TNFRSF9: variants seen among roughly 807,000 people sequenced by gnomAD.
TNFRSF9 encodes TNF receptor superfamily member 9, also known as tumor necrosis factor receptor superfamily member 9.
In TNFRSF9, 16 loss-of-function variants were observed where a neutral mutation model predicts 28.8. That is an observed-to-expected ratio of 0.55 (90% CI 0.38 to 0.84). The LOEUF is 0.84. Ranked by LOEUF, TNFRSF9 falls within the 40% of genes least tolerant of loss-of-function variation. The pLI is 0.00. For synonymous variants in TNFRSF9, 131 were observed against 117.0 expected, an observed-to-expected ratio of 1.12 and a Z score of -0.77; for missense variants, 303 against 315.0, an observed-to-expected ratio of 0.96 and a Z score of 0.29.
At chr1:7,935,620 G>A (rs956991333) in intron 5 of TNFRSF9, among the ~76,000 whole-genome samples, 1 of 152,122 alleles carries the variant, frequency 6.6e-6, no homozygotes, top group African/African-American at 2.4e-5. Flanking sequence ...GAGACCAGGC[G>A]TTGGAGACCA....
At chr1:7,934,228 T>A (rs1639782324) in intron 6 of TNFRSF9, among the ~76,000 whole-genome samples, 1 of 151,512 alleles carries the variant, frequency 6.6e-6, no homozygotes. Context: ...AAATAAAAAA[T>A]TAGCCAGGTG....
At chr1:7,923,538 G>T (rs1302184669) in intron 7 of TNFRSF9, among the ~76,000 whole-genome samples, 1 of 152,126 alleles carries the variant, frequency 6.6e-6, no homozygotes, top group Non-Finnish European at 1.5e-5. Context: ...GAAAATACAA[G>T]ATCTAAATTA....
At chr1:7,931,742 A>C (rs1398277064) in intron 7 of TNFRSF9, among the ~76,000 whole-genome samples, 1 of 152,254 alleles carries the variant, frequency 6.6e-6, no homozygotes, top group Non-Finnish European at 1.5e-5. Flanking sequence ...TGTTTACAAC[A>C]ATTTGTTAAA....
At position 7,939,862 on chromosome 1, in the gene TNFRSF9, C is replaced by A. The variant is rs566409327; in HGVS notation, c.100+33G>T. On this transcript the variant is annotated intron_variant, in intron 2 of 7. Coordinates refer to ENST00000377507, the MANE Select transcript of TNFRSF9 (RefSeq NM_001561.6). The stretch of plus-strand genomic sequence containing the variant: ...TAACTGAACCATACTTCCAACAGAG[C>A]AGATCAAATGCACATGATAACTGGG... 2.6e-4 allele frequency: 387 copies of A among 1,512,004 alleles called. 5 individuals carry two copies. In the South Asian group the frequency reaches 4.4e-3, roughly 17 times the overall value. 93.7% of individuals were successfully genotyped at this position (1,512,004 alleles called of 1,614,324 possible). A position where few individuals can be genotyped will look rare whatever the true frequency, so the allele number is the denominator to read the frequency against.
Position 7,920,648 on chromosome 1 carries a change from C to CA in TNFRSF9, c.*186dup, listed in dbSNP as rs76203739. The CA allele has an allele frequency of 0.19, 76,804 of 405,372 alleles. 359 individuals carry two copies. The highest frequency in any genetic ancestry group is 0.21 in the South Asian group (8,094 of 39,268). 25.1% of individuals were successfully genotyped at this position (405,372 alleles called of 1,614,324 possible). A position where few individuals can be genotyped will look rare whatever the true frequency, so the allele number is the denominator to read the frequency against. ...CCTGGGTGACAGAGTGAGACCCTGTCAAAAAAAAAAAAAAAGTGGTGCATT... is the reference window on the plus strand; with the variant it reads ...CCTGGGTGACAGAGTGAGACCCTGTCAAAAAAAAAAAAAAAAGTGGTGCATT... On this transcript the variant is annotated 3_prime_UTR_variant, in exon 8 of 8. Coordinates refer to ENST00000377507, the MANE Select transcript of TNFRSF9 (RefSeq NM_001561.6).
chr1:7,936,768 C>T (rs576371233), intron 5 of TNFRSF9, among the ~76,000 whole-genome samples: 11 of 152,108 alleles, frequency 7.2e-5, no homozygotes, highest in South Asian at 2.1e-4. Context: ...TAAAATACAA[C>T]GCCCAAATTT....
intron 5 of TNFRSF9, among the ~76,000 whole-genome samples, chr1:7,936,851 C>G (rs1223518352): frequency 6.6e-6 from 1 of 152,212 alleles, no homozygotes; most frequent in Non-Finnish European, 1.5e-5. Context: ...CTCTCTAACC[C>G]TACACCACTG....
At chr1:7,927,128 C>T (rs1212417342) in intron 7 of TNFRSF9, among the ~76,000 whole-genome samples, 1 of 152,116 alleles carries the variant, frequency 6.6e-6, no homozygotes, top group Non-Finnish European at 1.5e-5. Flanking sequence ...CTCAACATTC[C>T]ACTGGAGGCT....
At chr1:7,923,223 A>T (rs796879859) in intron 7 of TNFRSF9, among the ~76,000 whole-genome samples, 18 of 152,020 alleles carry the variant, frequency 1.2e-4, no homozygotes, top group African/African-American at 4.3e-4. Context: ...GACAATAACC[A>T]CTCAATTCTA....
chr1:7,933,890 G>A (rs202023463), intron 6 of TNFRSF9, among the ~76,000 whole-genome samples: 7 of 151,882 alleles, frequency 4.6e-5, no homozygotes, highest in Middle Eastern at 3.4e-3. Context: ...CGTGGTGGGC[G>A]CCTGTAATCC....
At chr1:7,937,619 T>C (rs1283078570) in intron 5 of TNFRSF9, 71 bp downstream of exon 5, 4 of 1,273,146 alleles carry the variant, frequency 3.1e-6, no homozygotes, top group Admixed American at 1.7e-5. Context: ...GCTTCAATGA[T>C]AGCATTCCTT....
At chr1:7,921,338 A>AAAAACAAAACAAAACAAAACAAAAC (rs143263936) in intron 7 of TNFRSF9, among the ~76,000 whole-genome samples, 1 of 139,998 alleles carries the variant, frequency 7.1e-6, no homozygotes, top group Admixed American at 7.3e-5. Context: ...CTCTGTCTCA[A>AAAAACAAAACAAAACAAAACAAAAC]AAAACAAAAC....
chr1:7,927,514 T>C (rs1392123431), intron 7 of TNFRSF9, among the ~76,000 whole-genome samples: 8 of 151,950 alleles, frequency 5.3e-5, no homozygotes, highest in African/African-American at 1.5e-4. Flanking sequence ...TTCAGTCCAA[T>C]AGGTCCACAG....
intron 7 of TNFRSF9, among the ~76,000 whole-genome samples, chr1:7,923,767 A>G (rs897898226): frequency 2.6e-5 from 4 of 152,056 alleles, no homozygotes; most frequent in African/African-American, 9.7e-5. Flanking sequence ...GAGCCCAGGA[A>G]GTTGAGGCTG....
At chr1:7,929,967 CTT>C (rs56299901) in intron 7 of TNFRSF9, among the ~76,000 whole-genome samples, 10 of 113,078 alleles carry the variant, frequency 8.8e-5, no homozygotes, top group Non-Finnish European at 1.2e-4. Flanking sequence ...GACCTAAAAC[CTT>C]TTTTTTTTTT....
At chr1:7,922,995 T>G (rs1639585520) in intron 7 of TNFRSF9, among the ~76,000 whole-genome samples, 1 of 151,292 alleles carries the variant, frequency 6.6e-6, no homozygotes, top group South Asian at 2.1e-4. Context: ...CTCCGCCTCT[T>G]GGGTTCAAGC....
At chr1:7,929,431 C>T (rs1177208964) in intron 7 of TNFRSF9, among the ~76,000 whole-genome samples, 4 of 151,948 alleles carry the variant, frequency 2.6e-5, no homozygotes, top group African/African-American at 9.7e-5. Flanking sequence ...CCTCCCAAAG[C>T]GCTGGGATTA....
chr1:7,930,357 A>C (rs1639716759), intron 7 of TNFRSF9, among the ~76,000 whole-genome samples: 1 of 152,178 alleles, frequency 6.6e-6, no homozygotes, highest in South Asian at 2.1e-4. Context: ...GAGTGTCCTA[A>C]AAACTTTTAA....
At position 7,920,896 on chromosome 1, in the gene TNFRSF9, T is replaced by C. The variant is rs1024785003; in HGVS notation, c.707A>G (p.Gln236Arg). The C allele has an allele frequency of 3.1e-6, 5 of 1,613,908 alleles. No individual in the cohort carries two copies. The highest frequency in any genetic ancestry group is 4.2e-6 in the Non-Finnish European group (5 of 1,179,958). The change falls in exon 8 of 8, where the codon CAA becomes CGA. Residue 236 changes from glutamine (Q) to arginine (R), a missense_variant. Transcript: ENST00000377507. Reference protein sequence around the residue: ...QPFMRPVQTTQEEDGCSCRFP... With the variant: ...QPFMRPVQTTREEDGCSCRFP... ...TCGGCAGCTACAGCCATCTTCCTCTTGAGTAGTTTGTACTGGTCTCATAAA... is the reference window on the plus strand; with the variant it reads ...TCGGCAGCTACAGCCATCTTCCTCTCGAGTAGTTTGTACTGGTCTCATAAA...
Sources: gnomAD v4.1 joint callset for allele counts (sites outside exome capture counted in the v4.1 genomes callset) on GRCh38, gnomAD v4.1.1 for gene constraint, MANE v1.5 for transcripts, NCBI Gene and HGNC (gene_info 2026-07-23, HGNC 2026-07-21) for gene names.